MICAL3: variants seen among roughly 807,000 people sequenced by gnomAD.
MICAL3 encodes the protein microtubule associated monooxygenase, calponin and LIM domain containing 3.
MICAL3 carries 62 observed loss-of-function variants against 207.4 expected under a neutral mutation model. The ratio of observed to expected loss-of-function variants is 0.30; its 90% confidence interval spans 0.24 to 0.37. The LOEUF (loss-of-function observed/expected upper bound fraction) is 0.37. Ranked by LOEUF, MICAL3 falls within the 10% of genes least tolerant of loss-of-function variation. The pLI is 1.00. For synonymous variants in MICAL3, 1,077 were observed against 1,069.3 expected, an observed-to-expected ratio of 1.01 and a Z score of -0.14; for missense variants, 2,368 against 2,635.6, an observed-to-expected ratio of 0.90 and a Z score of 2.22.
Position 17,800,945 on chromosome 22 carries a change from C to T in MICAL3, c.5650+7899G>A, listed in dbSNP as rs574390286. Among the ~76,000 whole-genome samples the T allele has an allele frequency of 6.6e-4, 101 of 152,270 alleles. 1 individual carries two copies. The highest frequency in any genetic ancestry group is 2.9e-3 in the Admixed American group (44 of 15,296). On this transcript the variant is annotated intron_variant, in intron 29 of 31. Transcript: ENST00000441493. ...CGTGGCGAGAACAGGGCCTAAAGTC[C>T]ACAAGAGACTCCCTGCAGTGGGGAA...
chr22:17,990,970 A>C (rs1032751765), intron 1 of MICAL3, among the ~76,000 whole-genome samples: 1 of 152,220 alleles, frequency 6.6e-6, no homozygotes, highest in Non-Finnish European at 1.5e-5. Context: ...TTTGGACCTC[A>C]TAAAAGCTTA....
chr22:17,884,249 C>G, intron 16 of MICAL3: 3 of 1,539,832 alleles, frequency 1.9e-6, no homozygotes, highest in Non-Finnish European at 2.7e-6. Flanking sequence ...AGACAGCACC[C>G]ATCCTGGCCC....
intron 19 of MICAL3, among the ~76,000 whole-genome samples, chr22:17,843,370 G>C (rs1270364914): frequency 2.0e-5 from 3 of 152,110 alleles, no homozygotes; most frequent in Non-Finnish European, 2.9e-5. Flanking sequence ...AGGCTGTCAT[G>C]AGTCCTCTGG....
At position 17,862,141 on chromosome 22, in the gene MICAL3, G is replaced by A. The variant is rs527488418; in HGVS notation, c.2605+2758C>T. The A allele has an allele frequency of 1.6e-4, 161 of 985,332 alleles. No individual in the cohort carries two copies. In the African/African-American group the frequency reaches 1.8e-3, roughly 11 times the overall value. The allele number at this position is 985,332 out of a possible 1,614,324, so 61.0% of individuals were successfully genotyped here. ...GTTACACACAAGAGAATCAAGTGCC[G>A]TCATCATCGCCTCTACTGGTCGAGT... On this transcript the variant is annotated intron_variant, in intron 19 of 31. Coordinates refer to ENST00000441493, the MANE Select transcript of MICAL3 (RefSeq NM_015241.3).
Position 17,796,008 on chromosome 22 carries a change from TG to T in MICAL3, c.5651-4708del, listed in dbSNP as rs1569067127. 1.3e-5 allele frequency among the ~76,000 whole-genome samples: 2 copies of T among 152,168 alleles called. No individual in the cohort carries two copies. The highest frequency in any genetic ancestry group is 2.9e-5 in the Non-Finnish European group (2 of 68,024). On this transcript the variant is annotated intron_variant, in intron 29 of 31. Transcript: ENST00000441493. The surrounding 1 kb of genome is among the most constrained non-coding windows in gnomAD (Gnocchi z 4.4). ...AAGATGCTGTCAAGCTTCTGGCAAA[TG>T]GAAGTTTTTTGGTTTTTCTCAACAT...
At chr22:17,825,243 G>T (rs1922047495) in intron 22 of MICAL3, among the ~76,000 whole-genome samples, 1 of 152,132 alleles carries the variant, frequency 6.6e-6, no homozygotes, top group Non-Finnish European at 1.5e-5. Context: ...ACCTTGAAAG[G>T]AAAAATCGTC....
intron 19 of MICAL3, among the ~76,000 whole-genome samples, chr22:17,856,154 G>A (rs1053503002): frequency 1.3e-5 from 2 of 152,254 alleles, no homozygotes; most frequent in East Asian, 1.9e-4. Context: ...TCCCAGCATC[G>A]TCTTCTGTGA....
rs988172371 is a variant in MICAL3 at position 17,796,781 on chromosome 22, G to T, written c.5651-5480C>A. ...TGGGGAGACAGTGAAGGCAGGACCT[G>T]AATCCAGGCCTGGCCTTCCTAAGTC... On this transcript the variant is annotated intron_variant, in intron 29 of 31. Coordinates refer to ENST00000441493, the MANE Select transcript of MICAL3 (RefSeq NM_015241.3). This position sits in a 1 kb window ranked among gnomAD's most constrained non-coding sequence, Gnocchi z 4.4. Among the ~76,000 whole-genome samples the T allele has an allele frequency of 6.6e-6, 1 of 152,146 alleles. No individual in the cohort carries two copies. The highest frequency in any genetic ancestry group is 6.5e-5 in the Admixed American group (1 of 15,280).
intron 1 of MICAL3, among the ~76,000 whole-genome samples, chr22:17,981,286 ATT>A (rs71317115): frequency 7.5e-4 from 110 of 146,190 alleles, no homozygotes; most frequent in Middle Eastern, 3.5e-3. Context: ...GCTTTCCTAG[ATT>A]TTTTTTTTTT....
intron 1 of MICAL3, among the ~76,000 whole-genome samples, chr22:17,991,449 G>A (rs1216633516): frequency 1.3e-5 from 2 of 152,220 alleles, no homozygotes; most frequent in African/African-American, 2.4e-5. Flanking sequence ...ATACACACTA[G>A]TTTATTTTGA....
Position 17,850,400 on chromosome 22 carries a change from GTTTTTTTTTTTTTT to G in MICAL3, c.2606-8397_2606-8384del, listed in dbSNP as rs565667574. On this transcript the variant is annotated intron_variant, in intron 19 of 31. Transcript: ENST00000441493. ...CTGTGGAACTTTTGCTTTTGAATTAGTTTTTTTTTTTTTTTTTTTTTTTTTTTTGAGATGGAGTC... is the reference window on the plus strand; with the variant it reads ...CTGTGGAACTTTTGCTTTTGAATTAGTTTTTTTTTTTTTTGAGATGGAGTC... 1.5e-4 allele frequency among the ~76,000 whole-genome samples: 11 copies of G among 74,386 alleles called. No homozygotes were observed. The East Asian group carries it at 2.2e-3, about 15-fold the overall frequency. The allele number at this position is 74,386 out of a possible 152,430, so 48.8% of individuals were successfully genotyped here.
chr22:17,896,765 G>A lies in MICAL3; in HGVS notation c.1165C>T (p.His389Tyr). 6.2e-7 allele frequency: 1 copy of A among 1,613,854 alleles called. No homozygotes were observed. Among genetic ancestry groups the A allele is most frequent in the Non-Finnish European group, 8.5e-7 (1 of 1,179,908 alleles). ...NAALVREQNG[H>Y]QLLVALVGDS... Reference sequence around the variant, plus strand: ...CCGACCAGAGCCACTAGTAACTGGTGTCCGTTCTGCTCCCGCACCAAGGCG... The same window carrying A: ...CCGACCAGAGCCACTAGTAACTGGTATCCGTTCTGCTCCCGCACCAAGGCG... The change falls in exon 8 of 32, where the codon CAC (histidine) becomes TAC (tyrosine). Residue 389 changes from histidine (H) to tyrosine (Y), a missense_variant. By Grantham distance (83) the His-to-Tyr change is moderately conservative. Transcript: ENST00000441493.
chr22:17,885,941 C>T lies in MICAL3; in HGVS notation c.2178G>A (p.Ala726=), dbSNP rs765643011. 11 of 1,613,910 alleles carry T rather than the reference C, an allele frequency of 6.8e-6. No homozygotes were observed. The highest frequency in any genetic ancestry group is 1.6e-4 in the Middle Eastern group (1 of 6,084). Residue 726 remains alanine, a synonymous_variant, in exon 16 of 32, where the codon GCG becomes GCA. Transcript: ENST00000441493. ...CTTCAAATTTGGCCAGCAGCTGGGT[C>T]GCCATGTACTTCACTTTGTTCTGGT... The part of the protein sequence containing the change: ...VGNQNKVKYM[A]TQLLAKFEEN...
At chr22:17,869,518 A>G (rs2146158567) in intron 17 of MICAL3, among the ~76,000 whole-genome samples, 1 of 152,322 alleles carries the variant, frequency 6.6e-6, no homozygotes, top group South Asian at 2.1e-4. Context: ...AAGAGCTGGC[A>G]GCGATCACAA....
chr22:18,021,234 G>A (rs1924458997), intron 1 of MICAL3, among the ~76,000 whole-genome samples: 1 of 152,220 alleles, frequency 6.6e-6, no homozygotes, highest in African/African-American at 2.4e-5. Flanking sequence ...ATGAGATATG[G>A]TTTTGGTATT....
chr22:17,995,305 C>T (rs1922146776), intron 1 of MICAL3, among the ~76,000 whole-genome samples: 5 of 151,310 alleles, frequency 3.3e-5, no homozygotes, highest in Admixed American at 3.3e-4. Context: ...GCCTTCTGAG[C>T]AGCTGCGACT....
At position 17,841,693 on chromosome 22, in the gene MICAL3, G is replaced by A; in HGVS notation, c.2801+129C>T. The A allele has an allele frequency of 1.1e-6, 1 of 886,472 alleles. No homozygotes were observed. Among genetic ancestry groups the A allele is most frequent in the Non-Finnish European group, 1.7e-6 (1 of 573,438 alleles). The allele number at this position is 886,472 out of a possible 1,614,324, so 54.9% of individuals were successfully genotyped here. ...GGCTAAGAACCTAAAAGGGACTGGG[G>A]AGAATGGACTGCGGGCAGCAGGAAA... On this transcript the variant is annotated intron_variant, in intron 20 of 31. Transcript: ENST00000441493. This position sits in a 1 kb window ranked among gnomAD's most constrained non-coding sequence, Gnocchi z 4.2.
chr22:17,944,152 AGAGAGAGAAAAAG>A (rs1933942263), intron 1 of MICAL3, among the ~76,000 whole-genome samples: 1 of 152,138 alleles, frequency 6.6e-6, no homozygotes, highest in African/African-American at 2.4e-5. Context: ...ACTCCAGTGG[AGAGAGAGAAAAAG>A]ACTTTGGTTG....
At chr22:18,006,393 T>C (rs1454102612) in intron 1 of MICAL3, 1 of 152,008 alleles carries the variant, frequency 6.6e-6, no homozygotes, top group Non-Finnish European at 1.5e-5. Context: ...TGGCCCTGGG[T>C]TGGGGAGATG....
Sources: allele counts gnomAD v4.1 joint callset (sites outside exome capture counted in the v4.1 genomes callset), GRCh38; gene constraint gnomAD v4.1.1; non-coding constraint Gnocchi (gnomAD v3.1); transcripts MANE v1.5; gene names NCBI Gene and HGNC (gene_info 2026-07-23, HGNC 2026-07-21).